Variants in CSMD1 observed in about 807,000 individuals in gnomAD.
CSMD1 encodes CUB and sushi domain-containing protein 1.
A neutral mutation model predicts 417.5 loss-of-function variants in CSMD1; 213 were observed. The observed-to-expected ratio is 0.51, with a 90% CI of 0.46 to 0.57. The LOEUF is 0.57. CSMD1 is among the 20% of genes least tolerant of loss of function. The pLI is 0.00. For missense variants in CSMD1, 6,923 were observed against 4,529.7 expected (o/e 1.53, Z -15.17); for synonymous variants, 2,862 against 1,736.8 (o/e 1.65, Z -16.11).
chr8:3,605,038 C>G (rs1033675604), intron 8 of CSMD1, among the ~76,000 whole-genome samples: 6 of 152,168 alleles, frequency 3.9e-5, no homozygotes, highest in African/African-American at 1.4e-4. Flanking sequence ...TGAGGAGTCA[C>G]TGCTGGAGTG....
intron 1 of CSMD1, among the ~76,000 whole-genome samples, chr8:4,847,724 G>A (rs1187863812): frequency 6.7e-6 from 1 of 149,880 alleles, no homozygotes; most frequent in Non-Finnish European, 1.5e-5. Context: ...CGCCTACCTT[G>A]ACAGTTTTCA....
chr8:4,308,694 A>C (rs1798391213), intron 3 of CSMD1, among the ~76,000 whole-genome samples: 1 of 152,140 alleles, frequency 6.6e-6, no homozygotes, highest in South Asian at 2.1e-4. Flanking sequence ...GTGCTTTTGG[A>C]GTTTAATTGC....
intron 2 of CSMD1, among the ~76,000 whole-genome samples, chr8:4,502,615 A>G (rs1362234220): frequency 1.3e-5 from 2 of 152,184 alleles, no homozygotes; most frequent in Non-Finnish European, 2.9e-5. Context: ...AAAGGACTCT[A>G]TATATCCTGA....
At chr8:3,721,187 C>G (rs1481377932) in intron 6 of CSMD1, among the ~76,000 whole-genome samples, 2 of 152,068 alleles carry the variant, frequency 1.3e-5, no homozygotes, top group Non-Finnish European at 2.9e-5. Context: ...TTTCTCCAGC[C>G]TCTGCGTGAT....
At chr8:4,096,219 A>T (rs1015026508) in intron 3 of CSMD1, among the ~76,000 whole-genome samples, 1 of 152,156 alleles carries the variant, frequency 6.6e-6, no homozygotes, top group South Asian at 2.1e-4. Flanking sequence ...CTTAATAATT[A>T]TAATAATAAT....
intron 1 of CSMD1, among the ~76,000 whole-genome samples, chr8:4,981,197 C>T (rs1375032038): frequency 6.6e-6 from 1 of 152,158 alleles, no homozygotes; most frequent in Non-Finnish European, 1.5e-5. Flanking sequence ...CATGGAAACA[C>T]ATTCATGAAG....
intron 54 of CSMD1, among the ~76,000 whole-genome samples, chr8:2,981,568 G>T (rs1344753275): frequency 6.6e-6 from 1 of 152,208 alleles, no homozygotes; most frequent in African/African-American, 2.4e-5. Context: ...GTGAAAACCT[G>T]ACATGGAACC....
chr8:4,063,796 C>G (rs1222386787), intron 3 of CSMD1, among the ~76,000 whole-genome samples: 2 of 152,140 alleles, frequency 1.3e-5, no homozygotes, highest in Admixed American at 1.3e-4. Context: ...CCACTTAAAC[C>G]TGCATCTATC....
intron 5 of CSMD1, among the ~76,000 whole-genome samples, chr8:3,880,729 T>C (rs1806150846): frequency 6.6e-6 from 1 of 152,192 alleles, no homozygotes; most frequent in African/African-American, 2.4e-5. Context: ...AAGCAAAATA[T>C]ATTAAAATTA....
intron 3 of CSMD1, among the ~76,000 whole-genome samples, chr8:4,343,018 T>C (rs1027309633): frequency 1.3e-5 from 2 of 152,120 alleles, no homozygotes; most frequent in Non-Finnish European, 2.9e-5. Context: ...ACCTGACTTG[T>C]GCCTCCTCCA....
intron 3 of CSMD1, among the ~76,000 whole-genome samples, chr8:4,041,848 G>C (rs1330447209): frequency 6.6e-6 from 1 of 152,052 alleles, no homozygotes; most frequent in Non-Finnish European, 1.5e-5. Flanking sequence ...AACATCTAGA[G>C]TTAAAACCAT....
At chr8:3,691,061 TC>T (rs1334272905) in intron 7 of CSMD1, among the ~76,000 whole-genome samples, 1 of 151,966 alleles carries the variant, frequency 6.6e-6, no homozygotes, top group East Asian at 1.9e-4. Context: ...CATGGCGACA[TC>T]CTCTAGCAAA....
chr8:4,263,524 C>T (rs547783406), intron 3 of CSMD1, among the ~76,000 whole-genome samples: 1 of 152,248 alleles, frequency 6.6e-6, no homozygotes, highest in South Asian at 2.1e-4. Context: ...ACTTCTCTGG[C>T]ACTTGATATT....
intron 2 of CSMD1, among the ~76,000 whole-genome samples, chr8:4,424,559 G>A (rs749527172): frequency 6.6e-6 from 1 of 152,002 alleles, no homozygotes. Context: ...TCACATGCTG[G>A]CTAGAACGTG....
At chr8:3,854,615 G>C (rs566854699) in intron 5 of CSMD1, among the ~76,000 whole-genome samples, 1 of 152,054 alleles carries the variant, frequency 6.6e-6, no homozygotes, top group Non-Finnish European at 1.5e-5. Context: ...CCTAAATCTG[G>C]TAGCTCCATT....
At chr8:3,519,444 T>C (rs562967542) in intron 10 of CSMD1, among the ~76,000 whole-genome samples, 22 of 152,308 alleles carry the variant, frequency 1.4e-4, no homozygotes, top group Admixed American at 9.8e-4. Context: ...ATGAAGTTTC[T>C]TGATCATCTG....
chr8:2,990,006 G>C (rs1281000810), intron 54 of CSMD1, among the ~76,000 whole-genome samples: 1 of 152,174 alleles, frequency 6.6e-6, no homozygotes. Flanking sequence ...AGGCTCTAGG[G>C]GGATGGATAC....
intron 5 of CSMD1, among the ~76,000 whole-genome samples, chr8:3,770,661 C>T (rs944172006): frequency 6.6e-6 from 1 of 152,184 alleles, no homozygotes; most frequent in South Asian, 2.1e-4. Context: ...TTTTTCCCAT[C>T]ATGACTGACT....
intron 5 of CSMD1, among the ~76,000 whole-genome samples, chr8:3,955,140 C>T (rs775355799): frequency 4.6e-5 from 7 of 152,146 alleles, no homozygotes; most frequent in Non-Finnish European, 8.8e-5. Context: ...CTACCGGTAA[C>T]GGGAAGACAG....
Sources: allele counts gnomAD v4.1 joint callset (sites outside exome capture counted in the v4.1 genomes callset), GRCh38; gene constraint gnomAD v4.1.1; transcripts MANE v1.5; gene names NCBI Gene and HGNC (gene_info 2026-07-23, HGNC 2026-07-21).